RHOBTB1: variants seen among roughly 807,000 people sequenced by gnomAD.
RHOBTB1 encodes Rho related BTB domain containing 1, also known as rho-related BTB domain-containing protein 1.
A neutral mutation model predicts 71.6 loss-of-function variants in RHOBTB1; 40 were observed. The ratio of observed to expected loss-of-function variants is 0.56; its 90% CI spans 0.43 to 0.73. The LOEUF is 0.73. RHOBTB1 is among the 30% of genes least tolerant of loss of function. RHOBTB1 has a pLI of 0.00. For synonymous variants in RHOBTB1, 319 were observed against 334.9 expected (o/e 0.95, Z 0.52); for missense variants, 797 against 894.0 (o/e 0.89, Z 1.38).
intron 2 of RHOBTB1, among the ~76,000 whole-genome samples, chr10:60,979,361 C>T (rs186510970): frequency 2.8e-4 from 43 of 152,112 alleles, no homozygotes; most frequent in African/African-American, 9.6e-4. Flanking sequence ...TGCAAACTTA[C>T]CTAGTTAAAG....
At chr10:60,909,661 C>G (rs754351992) in intron 4 of RHOBTB1, among the ~76,000 whole-genome samples, 1 of 152,040 alleles carries the variant, frequency 6.6e-6, no homozygotes, top group Non-Finnish European at 1.5e-5. Context: ...AGCAAAATGG[C>G]ACCTAAGATA....
At chr10:61,001,346 G>A (rs1022239814) in intron 1 of RHOBTB1, 2 of 151,362 alleles carry the variant, frequency 1.3e-5, no homozygotes, top group African/African-American at 4.8e-5. Context: ...ACCCTGGCGC[G>A]GCTCCTCCCG....
chr10:60,932,983 C>T (rs1385298303), intron 2 of RHOBTB1, among the ~76,000 whole-genome samples: 1 of 152,164 alleles, frequency 6.6e-6, no homozygotes, highest in African/African-American at 2.4e-5. Flanking sequence ...GACAATCAAG[C>T]AATTGTATGT....
chr10:60,893,492 G>C (rs1446175548), intron 4 of RHOBTB1, among the ~76,000 whole-genome samples: 1 of 152,166 alleles, frequency 6.6e-6, no homozygotes, highest in African/African-American at 2.4e-5. Flanking sequence ...TACACAGAAG[G>C]ATTTCTGCCC....
rs533333013 is a variant in RHOBTB1 at position 60,929,178 on chromosome 10, T to A, written c.-11+12626A>T. Among the ~76,000 whole-genome samples, 35 of 152,034 alleles carry A rather than the reference T, an allele frequency of 2.3e-4. No individual in the cohort carries two copies. The South Asian group carries it at 7.4e-3, about 32-fold the overall frequency. ...TGGGGATTATAATTGGATATGAGAT[T>A]TGGGTGGGGACACAGAACTAAACCA... On this transcript the variant is annotated intron_variant, in intron 2 of 10. Coordinates refer to ENST00000337910, the MANE Select transcript of RHOBTB1 (RefSeq NM_014836.5).
chr10:60,964,024 C>A (rs938112214), intron 2 of RHOBTB1, among the ~76,000 whole-genome samples: 2 of 152,066 alleles, frequency 1.3e-5, no homozygotes, highest in African/African-American at 4.8e-5. Context: ...TCTCTACCCC[C>A]AAATTCATGA....
chr10:60,988,463 C>T (rs2086745651), intron 1 of RHOBTB1, among the ~76,000 whole-genome samples: 1 of 151,914 alleles, frequency 6.6e-6, no homozygotes, highest in South Asian at 2.1e-4. Flanking sequence ...GCCCCTCCCT[C>T]CCTATCTAGT....
intron 1 of RHOBTB1, among the ~76,000 whole-genome samples, chr10:60,997,751 A>T (rs1297809907): frequency 6.6e-6 from 1 of 152,216 alleles, no homozygotes; most frequent in African/African-American, 2.4e-5. Flanking sequence ...GACCAGAAGA[A>T]ATTTAAAAAT....
Position 60,888,635 on chromosome 10 carries a change from G to T in RHOBTB1, c.1033C>A (p.Gln345Lys). ...AGGCTCTTGTTTGAAGACTTCCACT[G>T]GTCGGCCTGAGGAATCCTAGGCGGG... ...EGPPRIPQAD[Q>K]WKSSNKSLVE... is the part of the protein sequence containing the mutation. Residue 345 changes from glutamine to lysine, a missense_variant, in exon 6 of 11, where the codon CAG (glutamine) becomes AAG (lysine). Gln to Lys is a moderately conservative substitution (Grantham distance 53). Transcript: ENST00000337910. 2.5e-6 allele frequency: 4 copies of T among 1,614,202 alleles called. No homozygotes were observed. The highest frequency in any genetic ancestry group is 3.4e-6 in the Non-Finnish European group (4 of 1,180,038).
At position 60,889,202 on chromosome 10, in the gene RHOBTB1, T is replaced by A. The variant is rs1451294698; in HGVS notation, c.483-17A>T. 2.5e-6 allele frequency: 4 copies of A among 1,577,000 alleles called. No individual in the cohort carries two copies. The highest frequency in any genetic ancestry group is 1.4e-5 in the African/African-American group (1 of 73,040). On this transcript the variant is annotated splice_polypyrimidine_tract_variant and intron_variant, in intron 5 of 10. Transcript: ENST00000337910. ...TTTATGGGCCTGAAATAGAACATTT[T>A]AAAAATTATAATCAGCCTTGTTTTA... is the stretch of plus-strand genomic sequence containing the variant.
chr10:60,988,169 C>T (rs1358381002), intron 1 of RHOBTB1, among the ~76,000 whole-genome samples: 1 of 151,856 alleles, frequency 6.6e-6, no homozygotes, highest in Non-Finnish European at 1.5e-5. Context: ...CTCCTGACCT[C>T]GTGATCTGCC....
In RHOBTB1 at chr10:60,871,386, G is replaced by T. The variant is rs1463045903; in HGVS notation, c.*96C>A. 1 of 1,260,970 alleles carries T rather than the reference G, an allele frequency of 7.9e-7. No homozygotes were observed. The highest frequency in any genetic ancestry group is 2.3e-5 in the East Asian group (1 of 42,704). The allele number at this position is 1,260,970 out of a possible 1,614,324, so 78.1% of individuals were successfully genotyped here. On this transcript the variant is annotated 3_prime_UTR_variant, in exon 11 of 11. Coordinates refer to ENST00000337910, the MANE Select transcript of RHOBTB1 (RefSeq NM_014836.5). ...CAGTGCCCGAAACCTGAACTATGTC[G>T]TATCTCTAACAAGACGAATTTTATA... is the stretch of plus-strand genomic sequence containing the variant.
chr10:60,933,630 G>A (rs377322874), intron 2 of RHOBTB1, among the ~76,000 whole-genome samples: 144 of 152,180 alleles, frequency 9.5e-4, no homozygotes, highest in African/African-American at 3.1e-3. Flanking sequence ...TGAGGCAGGA[G>A]GCGGAGGTTG....
chr10:60,916,217 C>T (rs1030885576), intron 2 of RHOBTB1, among the ~76,000 whole-genome samples: 2 of 152,210 alleles, frequency 1.3e-5, no homozygotes, highest in South Asian at 4.1e-4. Flanking sequence ...CACCTTCTTC[C>T]TGTTGGAATG....
upstream of RHOBTB1, among the ~76,000 whole-genome samples, chr10:60,944,856 C>T (rs370909540): frequency 1.8e-3 from 275 of 152,272 alleles, no homozygotes; most frequent in African/African-American, 6.4e-3. Flanking sequence ...AGGGGTCCCC[C>T]CAGGGGGCGT....
intron 2 of RHOBTB1, among the ~76,000 whole-genome samples, chr10:60,917,959 C>A (rs1376862727): frequency 1.3e-5 from 2 of 152,152 alleles, no homozygotes; most frequent in African/African-American, 4.8e-5. Context: ...GAAGCAATTA[C>A]AAACAAAAAC....
intron 2 of RHOBTB1, among the ~76,000 whole-genome samples, chr10:60,967,616 G>A (rs564751115): frequency 2.9e-4 from 44 of 152,160 alleles, no homozygotes; most frequent in African/African-American, 1.0e-3. Context: ...GTTTGGAAGG[G>A]AAACGATAGA....
upstream of RHOBTB1, among the ~76,000 whole-genome samples, chr10:60,944,991 T>A (rs1450909714): frequency 6.6e-6 from 1 of 152,204 alleles, no homozygotes; most frequent in Non-Finnish European, 1.5e-5. Context: ...AGACAGCCCA[T>A]GCCTCCTCAC....
At chr10:60,878,098 G>A (rs2081130689) in intron 7 of RHOBTB1, 40 bp from the exon 8 acceptor site, 1 of 1,562,920 alleles carries the variant, frequency 6.4e-7, no homozygotes, top group African/African-American at 1.4e-5. Context: ...GCTGCAGAAA[G>A]CAGGGAGTGG....
Sources: gnomAD v4.1 joint callset for allele counts (sites outside exome capture counted in the v4.1 genomes callset) on GRCh38, gnomAD v4.1.1 for gene constraint, MANE v1.5 for transcripts, NCBI Gene and HGNC (gene_info 2026-07-23, HGNC 2026-07-21) for gene names.